The following XRN1 variants were observed in gnomAD, a reference collection of about 807,000 sequenced individuals.
XRN1 encodes 5'-3' exoribonuclease 1.
In XRN1, 67 loss-of-function variants were observed where a neutral mutation model predicts 222.3. The observed-to-expected ratio is 0.30, with a 90% CI of 0.25 to 0.37. The LOEUF is 0.37. Ranked by LOEUF, XRN1 falls within the 10% of genes least tolerant of loss-of-function variation. The pLI, the probability that XRN1 is intolerant of heterozygous loss-of-function variation, is 1.00. For missense variants in XRN1, 1,707 were observed against 2,000.2 expected (o/e 0.85, Z 2.80); for synonymous variants, 643 against 652.4 (o/e 0.99, Z 0.22).
intron 20 of XRN1, among the ~76,000 whole-genome samples, chr3:142,390,890 G>A (rs2067686293): frequency 6.6e-6 from 1 of 152,046 alleles, no homozygotes; most frequent in Admixed American, 6.6e-5. Flanking sequence ...CTACTAACTG[G>A]CCTAATTTCA....
At chr3:142,350,264 G>A (rs983939809) in intron 32 of XRN1, among the ~76,000 whole-genome samples, 1 of 152,044 alleles carries the variant, frequency 6.6e-6, no homozygotes, top group Non-Finnish European at 1.5e-5. Context: ...TTGTATACAT[G>A]AGGACACAGA....
chr3:142,335,413 T>C (rs1163424121), intron 34 of XRN1, 35 bp downstream of exon 34: 6 of 1,596,122 alleles, frequency 3.8e-6, no homozygotes, highest in East Asian at 2.2e-5. Context: ...CATTAAAAAA[T>C]TGGTAACTAG....
At chr3:142,345,376 A>G (rs191913769) in intron 33 of XRN1, among the ~76,000 whole-genome samples, 20 of 152,358 alleles carry the variant, frequency 1.3e-4, no homozygotes, top group African/African-American at 4.8e-4. Flanking sequence ...CTCCTACATC[A>G]TACCATGTAT....
rs781032626 is a variant in XRN1 at position 142,417,237 on chromosome 3, T to C, written c.1347-8A>G. Reference sequence around the variant, plus strand: ...TGATCAGCCAGAAAGTCACTGAAAATAGAATATTTTCATTATAACATATTT... The same window carrying C: ...TGATCAGCCAGAAAGTCACTGAAAACAGAATATTTTCATTATAACATATTT... On this transcript the variant is annotated splice_region_variant and splice_polypyrimidine_tract_variant and intron_variant, in intron 12 of 40. Coordinates refer to ENST00000392981, the MANE Select transcript of XRN1 (RefSeq NM_001282857.2). The C allele has an allele frequency of 6.8e-6, 11 of 1,611,588 alleles. No individual in the cohort carries two copies. Among genetic ancestry groups the C allele is most frequent in the African/African-American group, 5.3e-5 (4 of 74,818 alleles).
In XRN1 at chr3:142,341,793, C is replaced by T. The variant is rs1387744219; in HGVS notation, c.3877+5441G>A. ...AGCTATACTTATATTAGACAAAATACATTTCAAGACAAAAACAATAAGACA... is the reference window on the plus strand; with the variant it reads ...AGCTATACTTATATTAGACAAAATATATTTCAAGACAAAAACAATAAGACA... On this transcript the variant is annotated intron_variant, in intron 33 of 40. Coordinates refer to ENST00000392981, the MANE Select transcript of XRN1 (RefSeq NM_001282857.2). 2.0e-5 allele frequency among the ~76,000 whole-genome samples: 3 copies of T among 152,060 alleles called. No homozygotes were observed. In the East Asian group the frequency reaches 5.8e-4, roughly 29 times the overall value.
intron 32 of XRN1, among the ~76,000 whole-genome samples, chr3:142,354,095 A>G (rs982839689): frequency 6.6e-6 from 1 of 152,138 alleles, no homozygotes; most frequent in African/African-American, 2.4e-5. Flanking sequence ...TATTTTAATT[A>G]AAAAATTAAT....
chr3:142,370,279 A>G (rs1436142223), intron 27 of XRN1, among the ~76,000 whole-genome samples: 2 of 152,206 alleles, frequency 1.3e-5, no homozygotes, highest in African/African-American at 4.8e-5. Context: ...TATTAGTGCT[A>G]TACAATATAA....
intron 32 of XRN1, among the ~76,000 whole-genome samples, chr3:142,352,275 G>A (rs140190338): frequency 8.3e-4 from 126 of 152,284 alleles, no homozygotes; most frequent in African/African-American, 2.9e-3. Flanking sequence ...TTTGAACCCA[G>A]TTTATACCCT....
At chr3:142,388,776 C>T (rs147480549) in intron 20 of XRN1, among the ~76,000 whole-genome samples, 1,993 of 152,348 alleles carry the variant, frequency 0.013, 24 homozygotes, top group Non-Finnish European at 0.022. Context: ...GGAGTCAATG[C>T]TCTCAAAGTC....
chr3:142,367,690 C>T (rs2066862651), intron 27 of XRN1, among the ~76,000 whole-genome samples: 1 of 151,624 alleles, frequency 6.6e-6, no homozygotes, highest in South Asian at 2.1e-4. Flanking sequence ...GGACCACAGG[C>T]GTGTGCCACC....
At chr3:142,318,747 G>A in intron 38 of XRN1, 43 bp downstream of exon 38, 1 of 1,608,934 alleles carries the variant, frequency 6.2e-7, no homozygotes, top group Non-Finnish European at 8.5e-7. Flanking sequence ...TTTCTATAGG[G>A]ACTAATAAAA....
At chr3:142,434,188 C>T (rs1372562618) in intron 1 of XRN1, among the ~76,000 whole-genome samples, 2 of 151,954 alleles carry the variant, frequency 1.3e-5, no homozygotes, top group East Asian at 3.9e-4. Flanking sequence ...GATCTGTCAC[C>T]CAGGCTGGAG....
At chr3:142,381,974 T>C (rs1268463741) in intron 22 of XRN1, among the ~76,000 whole-genome samples, 1 of 152,194 alleles carries the variant, frequency 6.6e-6, no homozygotes, top group African/African-American at 2.4e-5. Context: ...TGTTTGATGC[T>C]TCCACATAAT....
chr3:142,443,838 A>G lies in XRN1; in HGVS notation c.75+4032T>C, dbSNP rs9809270. Among the ~76,000 whole-genome samples the G allele has an allele frequency of 8.1e-3, 1,227 of 152,378 alleles. 11 individuals carry two copies. The highest frequency in any genetic ancestry group is 0.011 in the Non-Finnish European group (749 of 68,042). On this transcript the variant is annotated intron_variant, in intron 1 of 40. Coordinates refer to ENST00000392981, the MANE Select transcript of XRN1 (RefSeq NM_001282857.2). ...AGATTTGGAAGCAACCTAAGCGTCCATCAACAAATGAATGGATAAAGAAAA... is the reference window on the plus strand; with the variant it reads ...AGATTTGGAAGCAACCTAAGCGTCCGTCAACAAATGAATGGATAAAGAAAA...
At chr3:142,415,189 T>G (rs1167283257) in intron 13 of XRN1, among the ~76,000 whole-genome samples, 2 of 152,226 alleles carry the variant, frequency 1.3e-5, no homozygotes, top group African/African-American at 2.4e-5. Context: ...TTTTATTACC[T>G]TCTCATCTTA....
intron 23 of XRN1, 115 bp downstream of exon 23, chr3:142,379,967 T>A (rs1038113624): frequency 6.4e-6 from 5 of 786,926 alleles, no homozygotes; most frequent in African/African-American, 1.7e-5. Flanking sequence ...GGAGAGAGAA[T>A]CTAATCATTA....
intron 19 of XRN1, 115 bp downstream of exon 19, chr3:142,400,329 C>T: frequency 1.3e-6 from 1 of 758,016 alleles, no homozygotes; most frequent in Non-Finnish European, 2.0e-6. Flanking sequence ...ATTTTTGGTA[C>T]AGAGTGTAAA....
chr3:142,373,641 G>T (rs1326531643), intron 25 of XRN1, among the ~76,000 whole-genome samples: 1 of 152,134 alleles, frequency 6.6e-6, no homozygotes. Context: ...AATGGCACAG[G>T]CTTTATCAAC....
At chr3:142,412,358 T>C (rs1039757063) in intron 15 of XRN1, among the ~76,000 whole-genome samples, 186 bp downstream of exon 15, 4 of 152,214 alleles carry the variant, frequency 2.6e-5, no homozygotes, top group African/African-American at 9.6e-5. Context: ...TGTCTAATAA[T>C]AGTAAAGCCA....
Sources: allele counts gnomAD v4.1 joint callset (sites outside exome capture counted in the v4.1 genomes callset), GRCh38; gene constraint gnomAD v4.1.1; transcripts MANE v1.5; gene names NCBI Gene and HGNC (gene_info 2026-07-23, HGNC 2026-07-21).